GPHN: variants seen among roughly 807,000 people sequenced by gnomAD.
The protein encoded by GPHN is gephyrin.
Under a neutral mutation model 95.5 loss-of-function variants are expected in GPHN, and 17 were observed. That is an observed-to-expected ratio of 0.18 (90% CI 0.12 to 0.27). The LOEUF (loss-of-function observed/expected upper bound fraction) is 0.27. GPHN is among the 10% of genes least tolerant of loss of function. GPHN has a pLI of 1.00. For missense variants in GPHN, 660 were observed against 978.1 expected, an observed-to-expected ratio of 0.67 and a Z score of 4.34; for synonymous variants, 320 against 322.5, an observed-to-expected ratio of 0.99 and a Z score of 0.08.
chr14:67,182,774 A>T (rs1322632647), downstream of GPHN, among the ~76,000 whole-genome samples: 7 of 152,024 alleles, frequency 4.6e-5, no homozygotes, highest in Non-Finnish European at 2.9e-5. Context: ...AAATGCCATA[A>T]TACAGATTTT....
At chr14:67,421,846 C>A in the GPHN span, among the ~76,000 whole-genome samples, 1 of 152,206 alleles carries the variant, frequency 6.6e-6, no homozygotes, top group African/African-American at 2.4e-5. Flanking sequence ...TCCACTGCCA[C>A]TTCTCATTGC....
intron 5 of GPHN, among the ~76,000 whole-genome samples, chr14:66,907,111 A>G (rs1028461862): frequency 2.6e-5 from 4 of 152,196 alleles, no homozygotes; most frequent in African/African-American, 9.6e-5. Flanking sequence ...TTACATCCAC[A>G]CAAAAATCCA....
the GPHN span, among the ~76,000 whole-genome samples, chr14:67,436,031 C>T: frequency 6.6e-6 from 1 of 152,206 alleles, no homozygotes; most frequent in East Asian, 1.9e-4. Context: ...TCTCTGGCTC[C>T]CAGAGGGCTT....
the GPHN span, chr14:67,473,656 T>C: frequency 1.9e-6 from 3 of 1,580,088 alleles, no homozygotes; most frequent in South Asian, 2.3e-5. This position sits in a 1 kb window ranked among gnomAD's most constrained non-coding sequence, Gnocchi z 6.5. Flanking sequence ...AAGCCGGTGG[T>C]GAACTCCCAC....
intron 4 of GPHN, among the ~76,000 whole-genome samples, chr14:66,834,479 T>G (rs2153502314): frequency 6.6e-6 from 1 of 152,326 alleles, no homozygotes; most frequent in South Asian, 2.1e-4. Context: ...TGTTGAATTT[T>G]CTCAAAGGCC....
At chr14:67,650,906 C>G in the GPHN span, 1 of 1,614,052 alleles carries the variant, frequency 6.2e-7, no homozygotes, top group Non-Finnish European at 8.5e-7. Flanking sequence ...AAATCAAGCA[C>G]GTGTGAGAAT....
chr14:67,730,621 G>C, the GPHN span, among the ~76,000 whole-genome samples: 1 of 150,402 alleles, frequency 6.6e-6, no homozygotes, highest in Non-Finnish European at 1.5e-5. Flanking sequence ...ATTTTTTTTT[G>C]AGATGGATTT....
chr14:67,592,425 G>T, the GPHN span: 1 of 527,388 alleles, frequency 1.9e-6, no homozygotes. Context: ...GTGACAAAGT[G>T]AGACTCTGTC....
intron 2 of GPHN, among the ~76,000 whole-genome samples, chr14:66,776,019 A>C (rs1353899197): frequency 6.6e-6 from 1 of 152,186 alleles, no homozygotes; most frequent in African/African-American, 2.4e-5. Flanking sequence ...AAACAAGGTC[A>C]TGGGGAAGGA....
the GPHN span, among the ~76,000 whole-genome samples, chr14:67,418,729 C>G: frequency 6.6e-6 from 1 of 152,134 alleles, no homozygotes; most frequent in African/African-American, 2.4e-5. Context: ...TTAGTCAAAG[C>G]TGATCGACAC....
intron 1 of GPHN, among the ~76,000 whole-genome samples, chr14:66,560,057 C>T (rs1361827882): frequency 1.3e-5 from 2 of 151,910 alleles, no homozygotes; most frequent in Non-Finnish European, 2.9e-5. Context: ...TGTAGATATG[C>T]GGCGTTATTT....
intron 1 of GPHN, among the ~76,000 whole-genome samples, chr14:66,605,617 C>A (rs542648359): frequency 6.8e-6 from 1 of 147,452 alleles, no homozygotes; most frequent in South Asian, 2.1e-4. Flanking sequence ...GCAATCTCTG[C>A]CCCCCAGGTT....
chr14:66,940,247 G>A (rs1312706123), intron 8 of GPHN, among the ~76,000 whole-genome samples: 1 of 151,582 alleles, frequency 6.6e-6, no homozygotes, highest in Non-Finnish European at 1.5e-5. Context: ...AAAAAAGAAG[G>A]CGTTTTGTTG....
chr14:66,612,821 T>G (rs2062840254), intron 1 of GPHN, among the ~76,000 whole-genome samples: 1 of 152,088 alleles, frequency 6.6e-6, no homozygotes, highest in Admixed American at 6.6e-5. Flanking sequence ...TCTGTGTAAG[T>G]CTTCTTTTGC....
chr14:67,147,211 C>T (rs2080950668), intron 18 of GPHN, among the ~76,000 whole-genome samples: 1 of 152,216 alleles, frequency 6.6e-6, no homozygotes, highest in African/African-American at 2.4e-5. Context: ...AGCTATATCA[C>T]CTCAGAAGCC....
the GPHN span, among the ~76,000 whole-genome samples, chr14:67,707,629 A>G: frequency 2.2e-4 from 33 of 152,276 alleles, no homozygotes; most frequent in African/African-American, 7.5e-4. Context: ...GGATTTCACC[A>G]TGTTGGCCAG....
At chr14:67,579,391 C>CTTGGCAGATTGTTCACTG in the GPHN span, 1 of 1,160,284 alleles carries the variant, frequency 8.6e-7, no homozygotes, top group East Asian at 2.7e-5. Context: ...TAGGCTCAGG[C>CTTGGCAGATTGTTCACTG]TTGGCAGATT....
At chr14:66,561,653 T>C (rs982687935) in intron 1 of GPHN, among the ~76,000 whole-genome samples, 73 of 152,278 alleles carry the variant, frequency 4.8e-4, no homozygotes, top group Middle Eastern at 3.4e-3. Context: ...AATCTATATA[T>C]GTGTATTATT....
intron 11 of GPHN, among the ~76,000 whole-genome samples, chr14:67,072,178 T>C (rs1404449900): frequency 1.3e-5 from 2 of 152,046 alleles, no homozygotes; most frequent in African/African-American, 4.8e-5. Flanking sequence ...TGGAAAAAAA[T>C]GTTTTAAGTT....
Sources: allele counts gnomAD v4.1 joint callset (sites outside exome capture counted in the v4.1 genomes callset), GRCh38; gene constraint gnomAD v4.1.1; non-coding constraint Gnocchi (gnomAD v3.1); transcripts MANE v1.5; gene names NCBI Gene and HGNC (gene_info 2026-07-23, HGNC 2026-07-21).